The following TEK variants were observed in gnomAD, a reference collection of about 807,000 sequenced individuals.
The protein encoded by TEK is TEK receptor tyrosine kinase.
A neutral mutation model predicts 131.8 loss-of-function variants in TEK; 43 were observed. The ratio of observed to expected loss-of-function variants is 0.33; its 90% CI spans 0.26 to 0.42. TEK has a LOEUF of 0.42. Ranked by LOEUF, TEK falls within the 10% of genes least tolerant of loss-of-function variation. The probability of loss-of-function intolerance (pLI) is 1.00; values close to 1 mark genes in which losing one functional copy is unlikely to be tolerated. For missense variants in TEK, 1,162 were observed against 1,384.4 expected (o/e 0.84, Z 2.55); for synonymous variants, 580 against 491.6 (o/e 1.18, Z -2.38).
chr9:27,202,927 C>A lies in TEK; in HGVS notation c.2017C>A (p.Arg673Ser). 1 of 1,614,020 alleles carries A rather than the reference C, an allele frequency of 6.2e-7. No homozygotes were observed. Among genetic ancestry groups the A allele is most frequent in the Non-Finnish European group, 8.5e-7 (1 of 1,179,994 alleles). Residue 673 changes from arginine (R) to serine (S), a missense_variant, in exon 13 of 23, where the codon CGT becomes AGT. Arg to Ser is a moderately radical substitution (Grantham distance 110). This residue lies in a region of TEK where 477 missense variants were observed against 471.0 expected (regional missense o/e 1.01). Coordinates refer to ENST00000380036, the MANE Select transcript of TEK (RefSeq NM_000459.5). ...CTATTCTATTTCTTCTATTACTATC[C>A]GTTACAAGGTTCAAGGCAAGAATGA... Reference protein sequence around the residue: ...DGYSISSITIRYKVQGKNEDQ... With the variant: ...DGYSISSITISYKVQGKNEDQ...
At chr9:27,185,120 AACAC>A in intron 8 of TEK, among the ~76,000 whole-genome samples, 1 of 152,218 alleles carries the variant, frequency 6.6e-6, no homozygotes, top group African/African-American at 2.4e-5. Flanking sequence ...CAGCCTCTCA[AACAC>A]TTAGGAAGTC....
At chr9:27,120,651 A>C (rs1483355094) in intron 1 of TEK, among the ~76,000 whole-genome samples, 2 of 152,252 alleles carry the variant, frequency 1.3e-5, no homozygotes, top group African/African-American at 2.4e-5. Flanking sequence ...AAGGGGAGGC[A>C]TTCATCTATT....
chr9:27,193,865 G>C (rs1392080080), intron 11 of TEK, among the ~76,000 whole-genome samples: 1 of 152,106 alleles, frequency 6.6e-6, no homozygotes. Flanking sequence ...AGAGTGCAGT[G>C]GTTTGATCAA....
rs546376375 is a variant in TEK at position 27,225,991 on chromosome 9, C to G, written c.3201-2215C>G. ...AACAAACATGAAAAAAGCTCATCAT[C>G]ACTGGTCATTAGAGAAATGCATATC... is the stretch of plus-strand genomic sequence containing the variant. On this transcript the variant is annotated intron_variant, in intron 21 of 22. Coordinates refer to ENST00000380036, the MANE Select transcript of TEK (RefSeq NM_000459.5). 2.6e-5 allele frequency among the ~76,000 whole-genome samples: 4 copies of G among 152,338 alleles called. No individual in the cohort carries two copies. In the East Asian group the frequency reaches 7.7e-4, roughly 29 times the overall value.
At chr9:27,182,684 T>C (rs955991052) in intron 7 of TEK, among the ~76,000 whole-genome samples, 7 of 152,238 alleles carry the variant, frequency 4.6e-5, no homozygotes, top group African/African-American at 1.7e-4. Context: ...CAATTACAAA[T>C]AGTCCACAGT....
rs369682417 is a variant in TEK at position 27,204,693 on chromosome 9, G to GTTT, written c.2210-206_2210-204dup. ...GCTAATTGTAACAGCACTTTTGCAT[G>GTTT]TTTTTTTTTTTTTTAATCTTATTAC... On this transcript the variant is annotated intron_variant, in intron 13 of 22. Transcript: ENST00000380036. Among the ~76,000 whole-genome samples the GTTT allele has an allele frequency of 1.2e-3, 177 of 144,190 alleles. 1 individual carries two copies. Among genetic ancestry groups the GTTT allele is most frequent in the Non-Finnish European group, 1.3e-3 (83 of 65,812 alleles). The allele number at this position is 144,190 out of a possible 152,430, so 94.6% of individuals were successfully genotyped here. A position where few individuals can be genotyped will look rare whatever the true frequency, so the allele number is the denominator to read the frequency against.
chr9:27,214,475 T>C (rs1166484075), intron 18 of TEK, among the ~76,000 whole-genome samples: 1 of 152,208 alleles, frequency 6.6e-6, no homozygotes, highest in African/African-American at 2.4e-5. Context: ...CTTTTTGCTT[T>C]TGTGGGCACA....
chr9:27,112,872 A>T (rs1821399349), intron 1 of TEK, among the ~76,000 whole-genome samples: 2 of 152,204 alleles, frequency 1.3e-5, no homozygotes, highest in Admixed American at 1.3e-4. Flanking sequence ...TGTGGGAGAG[A>T]CCTGGTTTGT....
rs755557875 is a variant in TEK, at chr9:27,185,618, T to C, written c.1316T>C (p.Ile439Thr). 6.2e-7 allele frequency: 1 copy of C among 1,613,676 alleles called. No homozygotes were observed. The highest frequency in any genetic ancestry group is 1.1e-5 in the South Asian group (1 of 91,080). ...VAGMVEKPFN[I>T]SVKVLPKPLN... ...GGGATGGTGGAAAAGCCCTTCAACA[T>C]TTCTGTTAAAGGTAAGTTCATTTCC... The change falls in exon 9 of 23, where the codon ATT becomes ACT. Residue 439 changes from isoleucine to threonine, a missense_variant. Around this residue, in one of 6 missense-constraint regions of TEK, gnomAD observed 477 missense variants for 471.0 expected, o/e 1.01. Coordinates refer to ENST00000380036, the MANE Select transcript of TEK (RefSeq NM_000459.5).
At chr9:27,190,449 CAT>C (rs2131182968) in intron 9 of TEK, 78 bp from the exon 10 acceptor site, 1 of 1,560,340 alleles carries the variant, frequency 6.4e-7, no homozygotes, top group South Asian at 1.1e-5. Flanking sequence ...ACATGTAAAA[CAT>C]ATCTTCTACC....
At chr9:27,222,338 A>C (rs1826118861) in intron 21 of TEK, among the ~76,000 whole-genome samples, 1 of 152,210 alleles carries the variant, frequency 6.6e-6, no homozygotes, top group Non-Finnish European at 1.5e-5. Flanking sequence ...ACAGGCCAAC[A>C]TTCAAATTCA....
intron 9 of TEK, among the ~76,000 whole-genome samples, chr9:27,185,971 A>G (rs574144917): frequency 6.6e-6 from 1 of 152,190 alleles, no homozygotes; most frequent in South Asian, 2.1e-4. Context: ...AACACATACA[A>G]TACTTGGAGT....
At chr9:27,180,401 G>A in intron 7 of TEK, 33 bp downstream of exon 7, 3 of 1,602,606 alleles carry the variant, frequency 1.9e-6, no homozygotes, top group Non-Finnish European at 2.6e-6. Context: ...TCAGGGCCAT[G>A]TTCAGCATGT....
intron 16 of TEK, among the ~76,000 whole-genome samples, chr9:27,211,165 GTATGTGTATA>G (rs1281812525): frequency 5.7e-5 from 2 of 34,958 alleles, no homozygotes; most frequent in East Asian, 2.7e-3. Context: ...ATGAATATAT[GTATGTGTATA>G]TATATATATG....
chr9:27,135,262 T>G (rs749484097), intron 1 of TEK, among the ~76,000 whole-genome samples: 1 of 151,952 alleles, frequency 6.6e-6, no homozygotes, highest in Non-Finnish European at 1.5e-5. Context: ...TAGTGTACTA[T>G]TTTTGAGCTG....
At chr9:27,122,169 G>C (rs1262073584) in intron 1 of TEK, among the ~76,000 whole-genome samples, 2 of 152,130 alleles carry the variant, frequency 1.3e-5, no homozygotes, top group Non-Finnish European at 2.9e-5. Context: ...TTATGTACTA[G>C]GAATCTGCTA....
At chr9:27,173,130 T>G (rs1824028131) in intron 5 of TEK, 92 bp from the exon 6 acceptor site, 6 of 1,530,352 alleles carry the variant, frequency 3.9e-6, no homozygotes, top group Middle Eastern at 1.7e-4. Flanking sequence ...GTTTCCCATA[T>G]TCACTAGACT....
chr9:27,149,428 G>A (rs1172723668), intron 1 of TEK, among the ~76,000 whole-genome samples: 1 of 152,032 alleles, frequency 6.6e-6, no homozygotes, highest in Admixed American at 6.6e-5. Context: ...AAAGCACTTA[G>A]CATTGTGTTT....
chr9:27,212,996 A>T (rs921834959), intron 17 of TEK, 99 bp downstream of exon 17: 2 of 1,296,448 alleles, frequency 1.5e-6, no homozygotes, highest in Non-Finnish European at 2.1e-6. Context: ...CTCTTCTTTA[A>T]CTCCTTCTTA....
Sources: allele counts gnomAD v4.1 joint callset (sites outside exome capture counted in the v4.1 genomes callset), GRCh38; gene constraint gnomAD v4.1.1; regional missense constraint gnomAD v4.1.1; transcripts MANE v1.5; gene names NCBI Gene and HGNC (gene_info 2026-07-23, HGNC 2026-07-21).